ZNF609: variants seen among roughly 807,000 people sequenced by gnomAD.
The protein encoded by ZNF609 is zinc finger protein 609.
ZNF609 carries 11 observed loss-of-function variants against 109.5 expected under a neutral mutation model. The ratio of observed to expected loss-of-function variants is 0.10; its 90% CI spans 0.06 to 0.17. The LOEUF (loss-of-function observed/expected upper bound fraction) is 0.17. Ranked by LOEUF, ZNF609 falls within the 10% of genes least tolerant of loss-of-function variation. The pLI is 1.00. For synonymous variants in ZNF609, 646 were observed against 662.0 expected, an observed-to-expected ratio of 0.98 and a Z score of 0.37; for missense variants, 1,559 against 1,772.4, an observed-to-expected ratio of 0.88 and a Z score of 2.16.
In ZNF609 at chr15:64,554,864, A is replaced by C. The variant is rs146119800; in HGVS notation, c.747+54698A>C. The stretch of plus-strand genomic sequence containing the variant: ...GTAATCCCAGCACTTTGGGAGGCCG[A>C]GACGAGTGTATCACCTGAGGTCAGG... On this transcript the variant is annotated intron_variant, in intron 2 of 9. Coordinates refer to ENST00000326648, the MANE Select transcript of ZNF609 (RefSeq NM_015042.2). Among the ~76,000 whole-genome samples, 341 of 151,970 alleles carry C rather than the reference A, an allele frequency of 2.2e-3. 2 individuals are homozygous for C. The highest frequency in any genetic ancestry group is 7.8e-3 in the African/African-American group (324 of 41,432).
At position 64,496,058 on chromosome 15, in the gene ZNF609, A is replaced by G. The variant is rs562424498; in HGVS notation, c.-127-3235A>G. 2.0e-3 allele frequency among the ~76,000 whole-genome samples: 299 copies of G among 152,160 alleles called. 1 individual carries two copies. Among genetic ancestry groups the G allele is most frequent in the African/African-American group, 7.0e-3 (290 of 41,522 alleles). On this transcript the variant is annotated intron_variant, in intron 1 of 9. Coordinates refer to ENST00000326648, the MANE Select transcript of ZNF609 (RefSeq NM_015042.2). ...GGTCTTGAACTCCTGACCTCAAGTGATCCTCCTGCCTCTGCCTCCCAAAGT... is the reference window on the plus strand; with the variant it reads ...GGTCTTGAACTCCTGACCTCAAGTGGTCCTCCTGCCTCTGCCTCCCAAAGT...
intron 2 of ZNF609, among the ~76,000 whole-genome samples, chr15:64,622,545 T>C (rs1895892414): frequency 6.6e-6 from 1 of 152,200 alleles, no homozygotes; most frequent in South Asian, 2.1e-4. Flanking sequence ...AATAGAACTT[T>C]TTAAAAAACA....
At chr15:64,645,919 G>C (rs1158553753) in intron 3 of ZNF609, among the ~76,000 whole-genome samples, 1 of 152,162 alleles carries the variant, frequency 6.6e-6, no homozygotes, top group Admixed American at 6.5e-5. Flanking sequence ...TGGAACCCTT[G>C]AGAACTGTTG....
chr15:64,639,446 G>A (rs1896222873), intron 3 of ZNF609, among the ~76,000 whole-genome samples: 1 of 152,136 alleles, frequency 6.6e-6, no homozygotes, highest in African/African-American at 2.4e-5. Context: ...GCAGCTCTAG[G>A]GAAGAATTCT....
chr15:64,533,391 T>C (rs751788957), intron 2 of ZNF609, among the ~76,000 whole-genome samples: 1 of 152,238 alleles, frequency 6.6e-6, no homozygotes, highest in Non-Finnish European at 1.5e-5. Flanking sequence ...GTGTTATTCA[T>C]CCTAAATCAT....
intron 2 of ZNF609, among the ~76,000 whole-genome samples, chr15:64,594,854 G>A (rs1434936023): frequency 2.0e-5 from 3 of 150,248 alleles, no homozygotes; most frequent in African/African-American, 4.9e-5. Flanking sequence ...GTGAAACCTC[G>A]TCTCTACTAA....
intron 2 of ZNF609, among the ~76,000 whole-genome samples, chr15:64,519,633 G>A (rs909968665): frequency 4.6e-5 from 7 of 152,210 alleles, no homozygotes; most frequent in African/African-American, 1.7e-4. Context: ...ATGAACAATG[G>A]AAGAGTGATC....
intron 2 of ZNF609, among the ~76,000 whole-genome samples, chr15:64,595,987 A>C (rs954099701): frequency 6.6e-6 from 1 of 152,106 alleles, no homozygotes; most frequent in African/African-American, 2.4e-5. Context: ...TAGCTTAATA[A>C]ATAAATTATT....
chr15:64,569,632 G>C, intron 2 of ZNF609, among the ~76,000 whole-genome samples: 1 of 152,204 alleles, frequency 6.6e-6, no homozygotes, highest in East Asian at 1.9e-4. Context: ...GGGGTTAGAG[G>C]GCTCCCTTTT....
chr15:64,645,083 T>C lies in ZNF609; in HGVS notation c.973+22031T>C, dbSNP rs28369600. Reference sequence around the variant, plus strand: ...TTCCTTCCTTCCTTCCTTCCTTTCTTTCCCTCCCTCCCTCCCTCCCTCCCT... The same window carrying C: ...TTCCTTCCTTCCTTCCTTCCTTTCTCTCCCTCCCTCCCTCCCTCCCTCCCT... On this transcript the variant is annotated intron_variant, in intron 3 of 9. Transcript: ENST00000326648. 8.5e-3 allele frequency among the ~76,000 whole-genome samples: 511 copies of C among 60,034 alleles called. 2 individuals carry two copies. Among genetic ancestry groups the C allele is most frequent in the African/African-American group, 0.038 (481 of 12,576 alleles). 39.4% of individuals were successfully genotyped at this position (60,034 alleles called of 152,430 possible).
At chr15:64,460,317 C>T (rs1892917582), upstream of ZNF609, among the ~76,000 whole-genome samples, 1 of 152,180 alleles carries the variant, frequency 6.6e-6, no homozygotes, top group Non-Finnish European at 1.5e-5. Context: ...CACGAGGGGA[C>T]AGCGTTAGGT....
intron 2 of ZNF609, among the ~76,000 whole-genome samples, chr15:64,563,885 CTATT>C (rs1360427139): frequency 2.0e-5 from 3 of 152,064 alleles, no homozygotes; most frequent in Non-Finnish European, 4.4e-5. Flanking sequence ...CGTGCCCGGC[CTATT>C]TATTTATTTT....
chr15:64,643,626 A>G (rs1029914134), intron 3 of ZNF609: 13 of 152,198 alleles, frequency 8.5e-5, no homozygotes, highest in African/African-American at 2.4e-4. Flanking sequence ...AACTGAAGGC[A>G]TATTCAACTT....
At chr15:64,528,161 G>A (rs971166284) in intron 2 of ZNF609, among the ~76,000 whole-genome samples, 18 of 150,934 alleles carry the variant, frequency 1.2e-4, no homozygotes, top group African/African-American at 2.7e-4. Flanking sequence ...GCAGTGACGC[G>A]ATCTCGGCTC....
intron 1 of ZNF609, among the ~76,000 whole-genome samples, chr15:64,490,307 C>A (rs1414747059): frequency 6.8e-6 from 1 of 147,706 alleles, no homozygotes; most frequent in Non-Finnish European, 1.5e-5. Flanking sequence ...GAGTTTTGCT[C>A]CCGTTGCCCA....
At chr15:64,572,663 C>CA (rs1345488796) in intron 2 of ZNF609, among the ~76,000 whole-genome samples, 1 of 151,998 alleles carries the variant, frequency 6.6e-6, no homozygotes, top group African/African-American at 2.4e-5. Context: ...GAGGCCAAGG[C>CA]AGGCAGTTCA....
intron 2 of ZNF609, among the ~76,000 whole-genome samples, chr15:64,592,422 T>C (rs1895314987): frequency 6.6e-6 from 1 of 151,516 alleles, no homozygotes; most frequent in African/African-American, 2.4e-5. Flanking sequence ...ACTAAAAATA[T>C]GAAAATTTAG....
At chr15:64,651,195 A>T (rs1471314974) in intron 3 of ZNF609, among the ~76,000 whole-genome samples, 1 of 152,150 alleles carries the variant, frequency 6.6e-6, no homozygotes, top group Non-Finnish European at 1.5e-5. Flanking sequence ...AAAAGAAATT[A>T]TACCTTATTG....
At chr15:64,510,565 C>T (rs1452469669) in intron 2 of ZNF609, among the ~76,000 whole-genome samples, 1 of 152,032 alleles carries the variant, frequency 6.6e-6, no homozygotes, top group East Asian at 1.9e-4. Flanking sequence ...TAAACTTTAT[C>T]ATAGGTACGT....
Sources: allele counts gnomAD v4.1 joint callset (sites outside exome capture counted in the v4.1 genomes callset), GRCh38; gene constraint gnomAD v4.1.1; transcripts MANE v1.5; gene names NCBI Gene and HGNC (gene_info 2026-07-23, HGNC 2026-07-21).